Variants in SYNJ2 observed in about 807,000 individuals in gnomAD.
SYNJ2 encodes polyphosphatidylinositol phosphatase SYNJ2.
In SYNJ2, 116 loss-of-function variants were observed where a neutral mutation model predicts 141.3. The observed-to-expected ratio is 0.82, with a 90% CI of 0.71 to 0.96. SYNJ2 has a LOEUF of 0.96. SYNJ2 is among the 40% of genes least tolerant of loss of function. SYNJ2 has a pLI of 0.00. For missense variants in SYNJ2, 1,873 were observed against 1,934.8 expected, an observed-to-expected ratio of 0.97 and a Z score of 0.60; for synonymous variants, 745 against 777.7, an observed-to-expected ratio of 0.96 and a Z score of 0.70.
At chr6:158,025,468 G>A (rs1454619370) in intron 2 of SYNJ2, among the ~76,000 whole-genome samples, 2 of 152,030 alleles carry the variant, frequency 1.3e-5, no homozygotes, top group Non-Finnish European at 2.9e-5. Flanking sequence ...CTGAGGTCAG[G>A]AGTTCGAGAC....
Position 158,043,265 on chromosome 6 carries a change from G to T in SYNJ2, c.712-51G>T, listed in dbSNP as rs759119343. The T allele has an allele frequency of 6.5e-7, 1 of 1,546,136 alleles. No individual in the cohort carries two copies. Among genetic ancestry groups the T allele is most frequent in the Admixed American group, 1.7e-5 (1 of 59,528 alleles). Reference sequence around the variant, plus strand: ...CGGATCCCGTTACCCAGCCCAGGACGTTCGGTTTCATTGAAGAATACCTTT... The same window carrying T: ...CGGATCCCGTTACCCAGCCCAGGACTTTCGGTTTCATTGAAGAATACCTTT... On this transcript the variant is annotated intron_variant, in intron 4 of 26. Transcript: ENST00000355585. The surrounding 1 kb of genome is among the most constrained non-coding windows in gnomAD (Gnocchi z 4.0).
intron 24 of SYNJ2, 33 bp downstream of exon 24, chr6:158,088,805 G>A (rs1384689088): frequency 6.6e-7 from 1 of 1,517,776 alleles, no homozygotes; most frequent in Non-Finnish European, 9.1e-7. Context: ...CAATCCCAAG[G>A]GTTTTGCCCC....
At chr6:158,048,495 C>T (rs1445255510) in intron 5 of SYNJ2, among the ~76,000 whole-genome samples, 2 of 152,146 alleles carry the variant, frequency 1.3e-5, no homozygotes, top group African/African-American at 4.8e-5. Context: ...GCATCCCATA[C>T]CAGCAGCTAC....
intron 11 of SYNJ2, among the ~76,000 whole-genome samples, 190 bp downstream of exon 11, chr6:158,065,181 C>T (rs1011391817): frequency 1.2e-4 from 19 of 152,210 alleles, no homozygotes; most frequent in African/African-American, 3.9e-4. Flanking sequence ...TGGGAGCTCA[C>T]GCTTCCTCTG....
At chr6:157,992,411 T>TTC (rs1562310192) in intron 1 of SYNJ2, among the ~76,000 whole-genome samples, 1 of 146,314 alleles carries the variant, frequency 6.8e-6, no homozygotes, top group African/African-American at 2.5e-5. Flanking sequence ...CTTTTTTTTT[T>TTC]TTTTTTTTTT....
Position 158,074,721 on chromosome 6 carries a change from C to G in SYNJ2, c.2275C>G (p.Gln759Glu). ...TCTGGAATTTGATCAACTACAGCTA[C>G]AGAAATCAAGTGGAAAAGTAAGTTG... Reference protein sequence around the residue: ...KLLEFDQLQLQKSSGKIFKDF... With the variant: ...KLLEFDQLQLEKSSGKIFKDF... Residue 759 changes from glutamine to glutamate, a missense_variant, in exon 16 of 27, where the codon CAG becomes GAG. By Grantham distance (29) the Gln-to-Glu change is conservative. Transcript: ENST00000355585. 6.2e-7 allele frequency: 1 copy of G among 1,611,756 alleles called. No homozygotes were observed.
intron 21 of SYNJ2, 130 bp downstream of exon 21, chr6:158,083,727 A>G: frequency 8.1e-7 from 1 of 1,227,110 alleles, no homozygotes; most frequent in Non-Finnish European, 1.2e-6. Flanking sequence ...CCTCTGTCCC[A>G]TGTGATGAGC....
chr6:157,985,618 G>T (rs540943166), intron 1 of SYNJ2, among the ~76,000 whole-genome samples: 29 of 152,312 alleles, frequency 1.9e-4, no homozygotes, highest in African/African-American at 6.7e-4. Context: ...TCTGTCTCTT[G>T]TAAACTTAGG....
chr6:158,095,685 G>C lies in SYNJ2; in HGVS notation c.3812G>C (p.Ser1271Thr), dbSNP rs760287336. 7.9e-5 allele frequency: 127 copies of C among 1,613,904 alleles called. No individual in the cohort carries two copies. Among genetic ancestry groups the C allele is most frequent in the Admixed American group, 1.0e-4 (6 of 59,962 alleles). Residue 1271 changes from serine (S) to threonine (T), a missense_variant, in exon 27 of 27, where the codon AGC becomes ACC. By Grantham distance (58) the Ser-to-Thr change is moderately conservative. Coordinates refer to ENST00000355585, the MANE Select transcript of SYNJ2 (RefSeq NM_003898.4). ...VHFTIGPPET[S>T]VEAPPVVTAP... ...TTTACAATCGGGCCCCCGGAGACAA[G>C]CGTTGAGGCCCCTCCTGTCGTGACA...
Position 158,066,463 on chromosome 6 carries a change from A to G in SYNJ2, c.1545A>G (p.Lys515=). The G allele has an allele frequency of 6.2e-7, 1 of 1,614,174 alleles. No individual in the cohort carries two copies. Among genetic ancestry groups the G allele is most frequent in the South Asian group, 1.1e-5 (1 of 91,078 alleles). The change falls in exon 12 of 27, where the codon AAA becomes AAG. Residue 515 remains lysine, a synonymous_variant. Transcript: ENST00000355585. The part of the protein sequence containing the change: ...TALLVTPRIL[K]AMTERQSEFT... Reference sequence around the variant, plus strand: ...TGACAGTGACTCCCAGGATCCTGAAAGCTATGACTGAGCGTCAGTCCGAAT... The same window carrying G: ...TGACAGTGACTCCCAGGATCCTGAAGGCTATGACTGAGCGTCAGTCCGAAT...
At chr6:158,083,677 C>G in intron 21 of SYNJ2, 80 bp downstream of exon 21, 1 of 1,568,802 alleles carries the variant, frequency 6.4e-7, no homozygotes, top group Non-Finnish European at 8.7e-7. Flanking sequence ...CTTCTAAAGC[C>G]TCCCTTGCAG....
intron 1 of SYNJ2, among the ~76,000 whole-genome samples, chr6:158,004,910 A>ATCCTT (rs1017950016): frequency 1.3e-5 from 2 of 149,302 alleles, no homozygotes; most frequent in African/African-American, 4.9e-5. Flanking sequence ...CACGTCGTTG[A>ATCCTT]TCCTTCGGAG....
intron 9 of SYNJ2, among the ~76,000 whole-genome samples, chr6:158,064,370 C>A (rs1046044056): frequency 6.6e-6 from 1 of 151,628 alleles, no homozygotes; most frequent in African/African-American, 2.4e-5. Context: ...GGTGCAGGGG[C>A]GTTCAAGTGT....
chr6:158,086,792 C>G (rs1783063585), intron 22 of SYNJ2, 63 bp from the exon 23 acceptor site: 4 of 1,535,084 alleles, frequency 2.6e-6, no homozygotes, highest in Non-Finnish European at 3.5e-6. Flanking sequence ...GTGCTCAGAT[C>G]CGTGTCTGAC....
At chr6:158,086,620 T>C (rs1239618614) in intron 22 of SYNJ2, among the ~76,000 whole-genome samples, 1 of 152,212 alleles carries the variant, frequency 6.6e-6, no homozygotes, top group Non-Finnish European at 1.5e-5. Flanking sequence ...TCAGTGTCTC[T>C]CAAGTCTGAG....
chr6:158,027,283 TC>T lies in SYNJ2; in HGVS notation c.215-1472del. ...GCTGTAGACAGCGGCCCTTGATCATTCACAGAAGATCTCGCTGGGCGGATCC... is the reference window on the plus strand; with the variant it reads ...GCTGTAGACAGCGGCCCTTGATCATTACAGAAGATCTCGCTGGGCGGATCC... On this transcript the variant is annotated intron_variant, in intron 2 of 26. Transcript: ENST00000355585. This position sits in a 1 kb window ranked among gnomAD's most constrained non-coding sequence, Gnocchi z 4.6. 1.2e-6 allele frequency: 1 copy of T among 827,314 alleles called. No homozygotes were observed. The highest frequency in any genetic ancestry group is 1.5e-6 in the Non-Finnish European group (1 of 685,856). 51.2% of individuals were successfully genotyped at this position (827,314 alleles called of 1,614,324 possible).
chr6:158,054,747 C>A (rs1356986206), intron 5 of SYNJ2, among the ~76,000 whole-genome samples: 1 of 152,180 alleles, frequency 6.6e-6, no homozygotes, highest in African/African-American at 2.4e-5. Flanking sequence ...TAGGACTGGG[C>A]AGCAGCAAAG....
At position 158,084,754 on chromosome 6, in the gene SYNJ2, A is replaced by G. The variant is rs1020997338; in HGVS notation, c.3208+580A>G. Among the ~76,000 whole-genome samples, 4 of 151,984 alleles carry G rather than the reference A, an allele frequency of 2.6e-5. No homozygotes were observed. Among genetic ancestry groups the G allele is most frequent in the African/African-American group, 4.8e-5 (2 of 41,394 alleles). ...TTGAGCTGGGGAGGCAGAGGCTGCA[A>G]TGAGCCGAGATCGCCCCACTGCACT... On this transcript the variant is annotated intron_variant, in intron 22 of 26. Transcript: ENST00000355585. This position sits in a 1 kb window ranked among gnomAD's most constrained non-coding sequence, Gnocchi z 5.0.
intron 22 of SYNJ2, among the ~76,000 whole-genome samples, chr6:158,085,017 A>G (rs1782944509): frequency 6.7e-6 from 1 of 149,936 alleles, no homozygotes; most frequent in East Asian, 1.9e-4. Context: ...TAGATTAAAT[A>G]ATACAACTTT....
Sources: allele counts gnomAD v4.1 joint callset (sites outside exome capture counted in the v4.1 genomes callset), GRCh38; gene constraint gnomAD v4.1.1; non-coding constraint Gnocchi (gnomAD v3.1); transcripts MANE v1.5; gene names NCBI Gene and HGNC (gene_info 2026-07-23, HGNC 2026-07-21).